The following AKAP17A variants were observed in gnomAD, a reference collection of about 807,000 sequenced individuals.
AKAP17A encodes the protein A-kinase anchoring protein 17A.
In AKAP17A, 15 loss-of-function variants were observed where a neutral mutation model predicts 52.2. That is an observed-to-expected ratio of 0.29 (90% CI 0.19 to 0.44). The LOEUF (loss-of-function observed/expected upper bound fraction) is 0.44. Among genes scored for constraint, AKAP17A ranks in the 20% least tolerant of loss-of-function variants. The pLI is 1.00. For missense variants in AKAP17A, 1,060 were observed against 1,007.0 expected (o/e 1.05, Z -0.71); for synonymous variants, 514 against 424.7 (o/e 1.21, Z -2.58).
chrX:1,595,292 C>T, intron 2 of AKAP17A, 92 bp from the exon 3 acceptor site: 7 of 1,559,478 alleles, frequency 4.5e-6, no homozygotes, highest in African/African-American at 1.4e-5. Context: ...GGCTCTGAGG[C>T]CACTCGGCCC....
chrX:1,600,633 C>A, intron 4 of AKAP17A, 26 bp from the exon 5 acceptor site: 1 of 1,512,918 alleles, frequency 6.6e-7, no homozygotes. Context: ...GAACCGGGCT[C>A]AGCTGCACTT....
chrX:1,594,365 C>A, intron 2 of AKAP17A, 141 bp downstream of exon 2: 1 of 1,018,626 alleles, frequency 9.8e-7, no homozygotes, highest in Non-Finnish European at 1.4e-6. Context: ...AGTCCTGTGC[C>A]TGTCCAATTT....
At position 1,601,688 on chromosome X, in the gene AKAP17A, C is replaced by G; in HGVS notation, c.*94C>G. 1 of 1,231,832 alleles carries G rather than the reference C, an allele frequency of 8.1e-7. No homozygotes were observed. 76.3% of individuals were successfully genotyped at this position (1,231,832 alleles called of 1,614,324 possible). On this transcript the variant is annotated 3_prime_UTR_variant, in exon 5 of 5. Coordinates refer to ENST00000313871, the MANE Select transcript of AKAP17A (RefSeq NM_005088.3). ...CTTGGCCGCTCTCCGTCCACCCCTGCAAAGCCAAGACCCTTCTGCAGCCAC... is the reference window on the plus strand; with the variant it reads ...CTTGGCCGCTCTCCGTCCACCCCTGGAAAGCCAAGACCCTTCTGCAGCCAC...
intron 3 of AKAP17A, among the ~76,000 whole-genome samples, chrX:1,597,595 G>C (rs1231124166): frequency 5.9e-5 from 9 of 152,022 alleles, no homozygotes; most frequent in African/African-American, 2.2e-4. Flanking sequence ...GCCCAGGCCT[G>C]GCTGAATGTG....
At chrX:1,595,094 G>C (rs1226102532) in intron 2 of AKAP17A, among the ~76,000 whole-genome samples, 3 of 152,256 alleles carry the variant, frequency 2.0e-5, no homozygotes. Context: ...CGCAGCGGTG[G>C]CGTGTCACTT....
Position 1,599,443 on chromosome X carries a change from G to C in AKAP17A, c.1152+11G>C. ...CTCAGCAGAGCCAAGGTACCCGGGG[G>C]CTCCCTCTGCAGCCGCCAGCCGCGC... is the stretch of plus-strand genomic sequence containing the variant. On this transcript the variant is annotated intron_variant, in intron 4 of 4. Transcript: ENST00000313871. 3 of 1,556,598 alleles carry C rather than the reference G, an allele frequency of 1.9e-6. No homozygotes were observed. The highest frequency in any genetic ancestry group is 2.4e-5 in the East Asian group (1 of 41,312).
At position 1,599,486 on chromosome X, in the gene AKAP17A, C is replaced by T. The variant is rs1319548457; in HGVS notation, c.1152+54C>T. The T allele has an allele frequency of 2.6e-6, 4 of 1,551,032 alleles. No individual in the cohort carries two copies. The African/African-American group carries it at 5.5e-5, about 21-fold the overall frequency. On this transcript the variant is annotated intron_variant, in intron 4 of 4. Coordinates refer to ENST00000313871, the MANE Select transcript of AKAP17A (RefSeq NM_005088.3). ...AGCCGCGCCCGGGCTGCCCTCAGTG[C>T]CCTCCCCTGAAATGCGGGCGGCGTC...
intron 3 of AKAP17A, 146 bp from the exon 4 acceptor site, chrX:1,599,046 C>T: frequency 7.7e-7 from 1 of 1,303,842 alleles, no homozygotes; most frequent in East Asian, 2.4e-5. Flanking sequence ...TGCTTTGAGT[C>T]AACCGAGGTC....
Position 1,601,238 on chromosome X carries a change from A to G in AKAP17A, c.1732A>G (p.Lys578Glu). Reference protein sequence around the residue: ...SRKDTRSEQDKCNREPSKGRG... With the variant: ...SRKDTRSEQDECNREPSKGRG... ...AAAGGACACCCGGTCAGAACAGGACAAGTGCAACCGGGAGCCCAGCAAGGG... is the reference window on the plus strand; with the variant it reads ...AAAGGACACCCGGTCAGAACAGGACGAGTGCAACCGGGAGCCCAGCAAGGG... The change falls in exon 5 of 5, where the codon AAG (lysine) becomes GAG (glutamate). Residue 578 changes from lysine to glutamate, a missense_variant. Around this residue, in one of 2 missense-constraint regions of AKAP17A, gnomAD observed 793 missense variants for 629.9 expected, o/e 1.26. Transcript: ENST00000313871. 6.2e-7 allele frequency: 1 copy of G among 1,613,826 alleles called. No homozygotes were observed. Among genetic ancestry groups the G allele is most frequent in the East Asian group, 2.2e-5 (1 of 44,866 alleles).
chrX:1,591,970 T>C (rs1299140358), intron 1 of AKAP17A, among the ~76,000 whole-genome samples: 12 of 124,856 alleles, frequency 9.6e-5, no homozygotes, highest in Admixed American at 1.6e-4. Context: ...GCTGGGGAGG[T>C]CTGCGGTCGG....
intron 4 of AKAP17A, 89 bp downstream of exon 4, chrX:1,599,521 T>C: frequency 2.0e-6 from 3 of 1,524,838 alleles, no homozygotes; most frequent in Non-Finnish European, 2.7e-6. Context: ...CACGGCGCCG[T>C]TTCCCCGCCG....
rs192527057 is a variant in AKAP17A, at chrX:1,593,801, C to T, written c.339C>T (p.Arg113=). Residue 113 remains arginine (R), a synonymous_variant, in exon 2 of 5, where the codon CGC becomes CGT. Transcript: ENST00000313871. Reference sequence around the variant, plus strand: ...GCTTCTCCGACATCCTGAAGGTGCGCGCGGCCGAGTTCAAGATCGACTTCC... The same window carrying T: ...GCTTCTCCGACATCCTGAAGGTGCGTGCGGCCGAGTTCAAGATCGACTTCC... ...LSGFSDILKV[R]AAEFKIDFPT... is the part of the protein sequence containing the mutation. 1.6e-4 allele frequency: 258 copies of T among 1,613,128 alleles called. 1 individual carries two copies. The East Asian group carries it at 5.2e-3, about 32-fold the overall frequency.
rs1417813393 is a variant in AKAP17A at position 1,602,116 on chromosome X, C to T, written c.*522C>T. On this transcript the variant is annotated 3_prime_UTR_variant, in exon 5 of 5. Coordinates refer to ENST00000313871, the MANE Select transcript of AKAP17A (RefSeq NM_005088.3). ...CCGAATCGTCGTGCTGACATTGAGT[C>T]ACGGATGAGGAAGGTACAAGTCCTT... is the stretch of plus-strand genomic sequence containing the variant. 1 of 154,424 alleles carries T rather than the reference C, an allele frequency of 6.5e-6. No individual in the cohort carries two copies. Among genetic ancestry groups the T allele is most frequent in the African/African-American group, 2.4e-5 (1 of 41,522 alleles). The allele number at this position is 154,424 out of a possible 1,614,324, so 9.6% of individuals were successfully genotyped here.
At position 1,600,968 on chromosome X, in the gene AKAP17A, G is replaced by A. The variant is rs772812862; in HGVS notation, c.1462G>A (p.Gly488Arg). Residue 488 changes from glycine to arginine, a missense_variant, in exon 5 of 5, where the codon GGG becomes AGG. Coordinates refer to ENST00000313871, the MANE Select transcript of AKAP17A (RefSeq NM_005088.3). ...GAGCGCCACCACGCTGCACCCCCTC[G>A]GGGGCCAGCCCCCGGCCGGTGCCCC... ...CVSATTLHPL[G>R]GQPPAGAPKE... The A allele has an allele frequency of 5.7e-6, 9 of 1,591,252 alleles. No individual in the cohort carries two copies. Among genetic ancestry groups the A allele is most frequent in the African/African-American group, 5.4e-5 (4 of 74,528 alleles).
At position 1,601,379 on chromosome X, in the gene AKAP17A, A is replaced by C. The variant is rs1335931804; in HGVS notation, c.1873A>C (p.Lys625Gln). The C allele has an allele frequency of 2.5e-6, 4 of 1,573,598 alleles. No individual in the cohort carries two copies. The highest frequency in any genetic ancestry group is 3.4e-6 in the Non-Finnish European group (4 of 1,165,900). Residue 625 changes from lysine to glutamine, a missense_variant, in exon 5 of 5, where the codon AAG (lysine) becomes CAG (glutamine). Around this residue, in one of 2 missense-constraint regions of AKAP17A, gnomAD observed 793 missense variants for 629.9 expected, o/e 1.26. Transcript: ENST00000313871. The stretch of plus-strand genomic sequence containing the variant: ...GCCACGCAAGGAGCGGCGGCCCCAC[A>C]AGAAGCACGCCTACAAGGATGACAG... ...GRPRKERRPH[K>Q]KHAYKDDSPR...
In AKAP17A at chrX:1,593,716, A is replaced by G. The variant is rs1603460007; in HGVS notation, c.254A>G (p.Asn85Ser). The stretch of plus-strand genomic sequence containing the variant: ...ATCCGCTTCGAGGGGGAGGTGGAGA[A>G]CAAGAGCCTGGTCAAGTCTTTTCTG... ...DFIRFEGEVENKSLVKSFLAC... is the reference protein window; with the variant it reads ...DFIRFEGEVESKSLVKSFLAC... Residue 85 changes from asparagine to serine, a missense_variant, in exon 2 of 5, where the codon AAC becomes AGC. By Grantham distance (46) the Asn-to-Ser change is conservative. Around this residue, in one of 2 missense-constraint regions of AKAP17A, gnomAD observed 267 missense variants for 377.1 expected, o/e 0.71. Coordinates refer to ENST00000313871, the MANE Select transcript of AKAP17A (RefSeq NM_005088.3). The G allele has an allele frequency of 6.2e-7, 1 of 1,613,996 alleles. No individual in the cohort carries two copies. Among genetic ancestry groups the G allele is most frequent in the Non-Finnish European group, 8.5e-7 (1 of 1,179,862 alleles).
rs754266872 is a variant in AKAP17A at position 1,593,454 on chromosome X, C to T, written c.-9C>T. 2.5e-6 allele frequency: 4 copies of T among 1,610,154 alleles called. No individual in the cohort carries two copies. Among genetic ancestry groups the T allele is most frequent in the Non-Finnish European group, 3.4e-6 (4 of 1,177,302 alleles). ...CGTCTTATGTTTCAGGCCCAAGGTC[C>T]CGGAGGCTATGGCAGCGGCTACCAT... On this transcript the variant is annotated 5_prime_UTR_variant, in exon 2 of 5. Coordinates refer to ENST00000313871, the MANE Select transcript of AKAP17A (RefSeq NM_005088.3).
chrX:1,594,475 G>T (rs56336628), intron 2 of AKAP17A, among the ~76,000 whole-genome samples: 3,729 of 152,252 alleles, frequency 0.024, 83 homozygotes, highest in Non-Finnish European at 0.039. Flanking sequence ...CATATAGTAG[G>T]TGAGGGATGG....
At position 1,600,850 on chromosome X, in the gene AKAP17A, C is replaced by A. The variant is rs141337822; in HGVS notation, c.1344C>A (p.Asp448Glu). 3.8e-6 allele frequency: 6 copies of A among 1,591,014 alleles called. No homozygotes were observed. The highest frequency in any genetic ancestry group is 5.1e-6 in the Non-Finnish European group (6 of 1,173,074). ...LLSILLSKKP[D>E]DSHTHDELGV... ...GCATCCTGCTGAGCAAGAAGCCGGA[C>A]GACAGCCACACACACGACGAGCTGG... Residue 448 changes from aspartate (D) to glutamate (E), a missense_variant, in exon 5 of 5, where the codon GAC becomes GAA. Coordinates refer to ENST00000313871, the MANE Select transcript of AKAP17A (RefSeq NM_005088.3).
Sources: allele counts gnomAD v4.1 joint callset (sites outside exome capture counted in the v4.1 genomes callset), GRCh38; gene constraint gnomAD v4.1.1; regional missense constraint gnomAD v4.1.1; transcripts MANE v1.5; gene names NCBI Gene and HGNC (gene_info 2026-07-23, HGNC 2026-07-21).